Variants in NRXN3 observed in about 807,000 individuals in gnomAD.
NRXN3 encodes the protein neurexin III.
A neutral mutation model predicts 137.6 loss-of-function variants in NRXN3; 32 were observed. The ratio of observed to expected loss-of-function variants is 0.23; its 90% confidence interval spans 0.18 to 0.31. The LOEUF is 0.31. Ranked by LOEUF, NRXN3 falls within the 10% of genes least tolerant of loss-of-function variation. The pLI, the probability that NRXN3 is intolerant of heterozygous loss-of-function variation, is 1.00. For synonymous variants in NRXN3, 798 were observed against 784.5 expected (o/e 1.02, Z -0.29); for missense variants, 1,574 against 2,062.5 (o/e 0.76, Z 4.59).
chr14:78,856,016 C>T (rs1436854930), intron 10 of NRXN3, among the ~76,000 whole-genome samples: 1 of 152,142 alleles, frequency 6.6e-6, no homozygotes, highest in African/African-American at 2.4e-5. Flanking sequence ...CTCATTGGTA[C>T]CAAGAAAGGG....
intron 15 of NRXN3, among the ~76,000 whole-genome samples, chr14:79,408,349 C>T (rs897349899): frequency 6.6e-5 from 10 of 152,062 alleles, no homozygotes; most frequent in African/African-American, 7.2e-5. Context: ...TTTTCTAGGA[C>T]GCAGCCCAAC....
chr14:79,690,309 A>G (rs1469850554), intron 17 of NRXN3, among the ~76,000 whole-genome samples: 5 of 152,138 alleles, frequency 3.3e-5, no homozygotes, highest in Non-Finnish European at 7.4e-5. Context: ...ACCAAGGTAG[A>G]CCATTATAAT....
chr14:79,814,307 T>C (rs1006413248), intron 20 of NRXN3, among the ~76,000 whole-genome samples: 19 of 152,242 alleles, frequency 1.2e-4, no homozygotes, highest in African/African-American at 4.6e-4. Context: ...TCTTGTCCAC[T>C]GTCGTGGTGT....
chr14:78,566,487 G>A (rs1164792900), intron 4 of NRXN3, among the ~76,000 whole-genome samples: 1 of 152,078 alleles, frequency 6.6e-6, no homozygotes, highest in African/African-American at 2.4e-5. Flanking sequence ...GGGCTGGGTG[G>A]GCTAGATTAA....
At chr14:78,421,364 T>C (rs1017695813) in intron 4 of NRXN3, among the ~76,000 whole-genome samples, 1 of 151,880 alleles carries the variant, frequency 6.6e-6, no homozygotes, top group Non-Finnish European at 1.5e-5. Flanking sequence ...AAAAATAAAA[T>C]AGCGACCAGT....
At chr14:78,531,490 T>A (rs922839056) in intron 4 of NRXN3, among the ~76,000 whole-genome samples, 1 of 152,226 alleles carries the variant, frequency 6.6e-6, no homozygotes, top group Non-Finnish European at 1.5e-5. Context: ...AACCTTGGCC[T>A]GAGAGAGAAT....
intron 10 of NRXN3, among the ~76,000 whole-genome samples, chr14:78,882,822 G>T (rs2099132987): frequency 6.6e-6 from 1 of 151,414 alleles, no homozygotes. Flanking sequence ...TTTGTGAGGG[G>T]CCAGGGGCAG....
At chr14:79,090,562 A>G (rs1438606074) in intron 15 of NRXN3, among the ~76,000 whole-genome samples, 1 of 151,892 alleles carries the variant, frequency 6.6e-6, no homozygotes. Context: ...AACCTCTCTT[A>G]GTTGCTTTAT....
rs144206782 is a variant in NRXN3, at chr14:79,532,093, T to G, written c.3444+64691T>G. Among the ~76,000 whole-genome samples, 467 of 152,280 alleles carry G rather than the reference T, an allele frequency of 3.1e-3. 3 individuals carry two copies. Among genetic ancestry groups the G allele is most frequent in the African/African-American group, 0.011 (446 of 41,562 alleles). On this transcript the variant is annotated intron_variant, in intron 16 of 20. Coordinates refer to ENST00000335750, the MANE Select transcript of NRXN3 (RefSeq NM_001330195.2). ...TTGCACCTTTTCTATACCACTCTCT[T>G]TCCCTGCCTTCTCTTCTCAATGTTC...
intron 8 of NRXN3, among the ~76,000 whole-genome samples, chr14:78,748,511 A>G (rs1450309588): frequency 6.6e-6 from 1 of 152,116 alleles, no homozygotes; most frequent in African/African-American, 2.4e-5. Context: ...GAGCTAAATG[A>G]GGAATTGGTA....
chr14:78,322,066 T>A (rs1268086142), intron 4 of NRXN3, among the ~76,000 whole-genome samples: 1 of 151,946 alleles, frequency 6.6e-6, no homozygotes, highest in Non-Finnish European at 1.5e-5. Context: ...CGCACTACCC[T>A]CAATCTGCAT....
intron 15 of NRXN3, among the ~76,000 whole-genome samples, chr14:79,233,684 G>A (rs1427861009): frequency 6.6e-6 from 1 of 151,962 alleles, no homozygotes; most frequent in Non-Finnish European, 1.5e-5. Flanking sequence ...GTGTGTGTGT[G>A]TGTGTGTGTG....
chr14:79,518,712 A>G (rs570229834), intron 16 of NRXN3, among the ~76,000 whole-genome samples: 4 of 152,282 alleles, frequency 2.6e-5, no homozygotes, highest in African/African-American at 9.6e-5. Flanking sequence ...GTTTAATTGC[A>G]TTAGATAATA....
chr14:78,728,548 T>C (rs2098498364), intron 8 of NRXN3, among the ~76,000 whole-genome samples: 1 of 152,116 alleles, frequency 6.6e-6, no homozygotes, highest in African/African-American at 2.4e-5. Flanking sequence ...GTGCCAGGTA[T>C]AATTTGGTCC....
intron 15 of NRXN3, among the ~76,000 whole-genome samples, chr14:79,309,704 G>A (rs1388798382): frequency 2.7e-5 from 4 of 146,246 alleles, no homozygotes; most frequent in Non-Finnish European, 6.0e-5. Flanking sequence ...ATTTCTTCAT[G>A]TGTTTTTTGG....
chr14:78,285,954 T>C (rs777516194), intron 3 of NRXN3, among the ~76,000 whole-genome samples: 1 of 152,206 alleles, frequency 6.6e-6, no homozygotes, highest in Non-Finnish European at 1.5e-5. Flanking sequence ...CCTGTAGCTG[T>C]TCTCGATGAG....
chr14:79,465,313 G>GAATT lies in NRXN3; in HGVS notation c.3263-1904_3263-1901dup, dbSNP rs536621754. ...GGAAGTAAACATTGTTTTGCATATA[G>GAATT]AATTAATCATAGACTTTGCATACCA... On this transcript the variant is annotated intron_variant, in intron 15 of 20. Transcript: ENST00000335750. 7.9e-5 allele frequency among the ~76,000 whole-genome samples: 12 copies of GAATT among 152,296 alleles called. No individual in the cohort carries two copies. In the East Asian group the frequency reaches 2.3e-3, roughly 29 times the overall value.
intron 1 of NRXN3, among the ~76,000 whole-genome samples, chr14:78,227,790 T>C (rs1180509245): frequency 2.6e-5 from 4 of 152,220 alleles, no homozygotes. Flanking sequence ...CTTAGCTGCC[T>C]CAGGACTGCG....
At chr14:79,406,361 G>A (rs964046852) in intron 15 of NRXN3, among the ~76,000 whole-genome samples, 2 of 151,028 alleles carry the variant, frequency 1.3e-5, no homozygotes, top group Middle Eastern at 6.8e-3. Context: ...CTGCAGTACA[G>A]TGATTCAATC....
Sources: gnomAD v4.1 joint callset for allele counts (sites outside exome capture counted in the v4.1 genomes callset) on GRCh38, gnomAD v4.1.1 for gene constraint, MANE v1.5 for transcripts, NCBI Gene and HGNC (gene_info 2026-07-23, HGNC 2026-07-21) for gene names.